CCDC30: variants seen among roughly 807,000 people sequenced by gnomAD.
CCDC30 encodes the protein coiled-coil domain-containing protein 30.
CCDC30 carries 70 observed loss-of-function variants against 100.2 expected under a neutral mutation model. That is an observed-to-expected ratio of 0.70 (90% confidence interval 0.58 to 0.85). The LOEUF is 0.85. Ranked by LOEUF, CCDC30 falls within the 40% of genes least tolerant of loss-of-function variation. CCDC30 has a pLI of 0.00. For synonymous variants in CCDC30, 233 were observed against 269.5 expected (o/e 0.86, Z 1.33); for missense variants, 652 against 771.2 (o/e 0.85, Z 1.83).
chr1:42,593,045 C>A (rs1646218732), intron 10 of CCDC30: 1 of 152,196 alleles, frequency 6.6e-6, no homozygotes, highest in African/African-American at 2.4e-5. Flanking sequence ...TTCTCCAATT[C>A]TTTGTGGACA....
chr1:42,525,985 A>G (rs1644718323), intron 6 of CCDC30, among the ~76,000 whole-genome samples: 2 of 152,240 alleles, frequency 1.3e-5, no homozygotes, highest in South Asian at 4.2e-4. Flanking sequence ...GAAAGACTTG[A>G]AAAACTGCAG....
intron 11 of CCDC30, among the ~76,000 whole-genome samples, chr1:42,634,767 T>C (rs935830449): frequency 3.3e-5 from 5 of 152,242 alleles, no homozygotes; most frequent in Non-Finnish European, 7.3e-5. Context: ...TTTGTCCATG[T>C]TTTGATTGTT....
At chr1:42,614,169 C>T (rs1646679967) in intron 11 of CCDC30, among the ~76,000 whole-genome samples, 1 of 151,336 alleles carries the variant, frequency 6.6e-6, no homozygotes, top group Non-Finnish European at 1.5e-5. Context: ...CAAGCTCCAC[C>T]TCCTGGGTTC....
intron 15 of CCDC30, 119 bp from the exon 20 acceptor site, chr1:42,653,257 T>G: frequency 2.0e-6 from 1 of 500,322 alleles, no homozygotes; most frequent in South Asian, 3.9e-5. Flanking sequence ...CTTTTATGTT[T>G]TTCATTGTTT....
chr1:42,480,855 C>T (rs902268999), intron 2 of CCDC30, among the ~76,000 whole-genome samples: 1 of 152,164 alleles, frequency 6.6e-6, no homozygotes, highest in South Asian at 2.1e-4. Flanking sequence ...TGTGGTGGCT[C>T]ATGCCTATAA....
intron 6 of CCDC30, among the ~76,000 whole-genome samples, chr1:42,527,168 C>T (rs1644735045): frequency 6.6e-6 from 1 of 152,202 alleles, no homozygotes; most frequent in Admixed American, 6.5e-5. Context: ...ATAATGTCCT[C>T]TGACTGCCTC....
intron 6 of CCDC30, among the ~76,000 whole-genome samples, chr1:42,524,317 G>T (rs950295365): frequency 1.3e-5 from 2 of 152,054 alleles, no homozygotes; most frequent in African/African-American, 2.4e-5. Flanking sequence ...AGTCTTTTCT[G>T]AGTGTGTGCC....
chr1:42,561,358 A>G (rs1319393511), intron 6 of CCDC30, among the ~76,000 whole-genome samples: 2 of 152,224 alleles, frequency 1.3e-5, no homozygotes, highest in African/African-American at 2.4e-5. Flanking sequence ...ACAAAAACAC[A>G]TGGTTATCTC....
chr1:42,568,512 G>C (rs1474225830), intron 7 of CCDC30, among the ~76,000 whole-genome samples: 2 of 152,098 alleles, frequency 1.3e-5, no homozygotes, highest in African/African-American at 4.8e-5. Context: ...ACAAATTATA[G>C]AGTCAGAACT....
intron 1 of CCDC30, among the ~76,000 whole-genome samples, chr1:42,474,992 C>T (rs1004125579): frequency 1.8e-4 from 28 of 152,008 alleles, no homozygotes; most frequent in African/African-American, 6.5e-4. Flanking sequence ...CAGTATAAAC[C>T]TAATTATTAT....
chr1:42,462,096 A>G (rs1422503040), upstream of CCDC30, among the ~76,000 whole-genome samples: 1 of 152,188 alleles, frequency 6.6e-6, no homozygotes, highest in Non-Finnish European at 1.5e-5. Context: ...GGAATTTTAT[A>G]TCCTGTCTTG....
At chr1:42,548,763 A>G (rs1351961449) in intron 6 of CCDC30, among the ~76,000 whole-genome samples, 1 of 152,124 alleles carries the variant, frequency 6.6e-6, no homozygotes, top group African/African-American at 2.4e-5. Flanking sequence ...GGGACTTGCA[A>G]TCTTCCAGTA....
At chr1:42,617,898 T>C (rs988433074) in intron 11 of CCDC30, among the ~76,000 whole-genome samples, 1 of 152,310 alleles carries the variant, frequency 6.6e-6, no homozygotes, top group Admixed American at 6.5e-5. Flanking sequence ...GGGGTTTGTT[T>C]TGGGAAAGGG....
At chr1:42,633,741 G>T (rs531851494) in intron 11 of CCDC30, among the ~76,000 whole-genome samples, 5 of 151,980 alleles carry the variant, frequency 3.3e-5, no homozygotes, top group Non-Finnish European at 7.4e-5. Context: ...GAGACCTTGC[G>T]TCTACTAAAA....
chr1:42,623,189 C>T (rs181047370), intron 11 of CCDC30, among the ~76,000 whole-genome samples: 3 of 152,264 alleles, frequency 2.0e-5, no homozygotes, highest in African/African-American at 7.2e-5. Flanking sequence ...GTTGTCACTT[C>T]ACTTTGTTGA....
intron 6 of CCDC30, chr1:42,558,147 A>G: frequency 3.2e-6 from 1 of 309,728 alleles, no homozygotes; most frequent in Non-Finnish European, 6.8e-6. Flanking sequence ...AGAGTGACTG[A>G]ACTGGAAAAT....
intron 11 of CCDC30, among the ~76,000 whole-genome samples, chr1:42,621,183 T>G (rs977564598): frequency 1.3e-4 from 20 of 152,230 alleles, no homozygotes; most frequent in Non-Finnish European, 2.1e-4. Flanking sequence ...TAGGTGTGTG[T>G]ATTTATGCAG....
At chr1:42,481,002 A>G (rs1354538715) in intron 2 of CCDC30, among the ~76,000 whole-genome samples, 1 of 151,742 alleles carries the variant, frequency 6.6e-6, no homozygotes, top group East Asian at 1.9e-4. Context: ...TTCCAGTTAC[A>G]GGGGAGGCTG....
chr1:42,618,524 T>C (rs1401342682), intron 11 of CCDC30, among the ~76,000 whole-genome samples: 1 of 152,086 alleles, frequency 6.6e-6, no homozygotes, highest in Non-Finnish European at 1.5e-5. Flanking sequence ...GCGTGAGCCA[T>C]CATGCCTGGC....
Sources: allele counts gnomAD v4.1 joint callset (sites outside exome capture counted in the v4.1 genomes callset), GRCh38; gene constraint gnomAD v4.1.1; transcripts MANE v1.5; gene names NCBI Gene and HGNC (gene_info 2026-07-23, HGNC 2026-07-21).